The following RARB variants were observed in gnomAD, a reference collection of about 807,000 sequenced individuals.
RARB encodes the protein retinoic acid receptor beta.
Under a neutral mutation model 51.9 loss-of-function variants are expected in RARB, and 17 were observed. That is an observed-to-expected ratio of 0.33 (90% CI 0.22 to 0.49). The LOEUF (loss-of-function observed/expected upper bound fraction) is 0.49. Ranked by LOEUF, RARB falls within the 20% of genes least tolerant of loss-of-function variation. RARB has a pLI of 0.99. For synonymous variants in RARB, 215 were observed against 195.4 expected (o/e 1.10, Z -0.84); for missense variants, 369 against 550.8 (o/e 0.67, Z 3.30).
At chr3:25,338,007 C>A (rs1010063889) in intron 5 of RARB, among the ~76,000 whole-genome samples, 14 of 151,622 alleles carry the variant, frequency 9.2e-5, no homozygotes, top group African/African-American at 3.4e-4. Context: ...ACATTCAACA[C>A]TATATCTTTC....
intron 5 of RARB, among the ~76,000 whole-genome samples, chr3:25,328,227 AG>A (rs1704782673): frequency 6.6e-6 from 1 of 152,246 alleles, no homozygotes; most frequent in African/African-American, 2.4e-5. Flanking sequence ...CGATTTAAGT[AG>A]TTGCCTCTAG....
intron 4 of RARB, among the ~76,000 whole-genome samples, chr3:25,146,449 C>A (rs1178511942): frequency 6.6e-6 from 1 of 151,186 alleles, no homozygotes; most frequent in African/African-American, 2.4e-5. Flanking sequence ...TTTGCAAAAA[C>A]ACACAGGCTA....
intron 1 of RARB, chr3:25,441,238 G>T: frequency 2.7e-6 from 1 of 377,306 alleles, no homozygotes; most frequent in Admixed American, 3.3e-5. Context: ...AGGCCAACCA[G>T]ATAGGCCTCA....
At chr3:25,252,861 T>A (rs542959002) in intron 5 of RARB, among the ~76,000 whole-genome samples, 2 of 152,340 alleles carry the variant, frequency 1.3e-5, no homozygotes, top group South Asian at 4.1e-4. Context: ...TCATGACTTA[T>A]GGATCTTCTT....
At chr3:25,311,393 G>T (rs892498345) in intron 5 of RARB, among the ~76,000 whole-genome samples, 1 of 152,246 alleles carries the variant, frequency 6.6e-6, no homozygotes, top group Non-Finnish European at 1.5e-5. Flanking sequence ...CATACTGTTT[G>T]GGTCGGTACT....
At chr3:25,427,927 A>G (rs1312427469), upstream of RARB, among the ~76,000 whole-genome samples, 1 of 152,224 alleles carries the variant, frequency 6.6e-6, no homozygotes, top group African/African-American at 2.4e-5. Flanking sequence ...ACCGTTTTCC[A>G]AGCTAAGCCG....
At chr3:25,365,984 A>G (rs1235114768) in intron 5 of RARB, among the ~76,000 whole-genome samples, 1 of 152,214 alleles carries the variant, frequency 6.6e-6, no homozygotes, top group Non-Finnish European at 1.5e-5. Context: ...TCAATAGTGT[A>G]ACCATTTTTT....
At chr3:25,545,582 C>T (rs1699586363) in intron 3 of RARB, among the ~76,000 whole-genome samples, 1 of 152,148 alleles carries the variant, frequency 6.6e-6, no homozygotes, top group Non-Finnish European at 1.5e-5. Flanking sequence ...GTGCGGTTGG[C>T]ATTGCTCTGA....
At position 25,525,783 on chromosome 3, in the gene RARB, G is replaced by A. The variant is rs573740542; in HGVS notation, c.448+24460G>A. Among the ~76,000 whole-genome samples, 12 of 152,140 alleles carry A rather than the reference G, an allele frequency of 7.9e-5. 1 individual carries two copies. In the South Asian group the frequency reaches 2.3e-3, roughly 29 times the overall value. On this transcript the variant is annotated intron_variant, in intron 3 of 7. Transcript: ENST00000330688. ...AAGCTGAGCATCATGGAGGTAAAGG[G>A]GTCTATTTTATGAAAAGTGGTCACG...
intron 5 of RARB, among the ~76,000 whole-genome samples, chr3:25,203,260 CT>C (rs1471622620): frequency 1.3e-5 from 2 of 151,946 alleles, no homozygotes; most frequent in Non-Finnish European, 2.9e-5. Context: ...CAACCCCTGC[CT>C]TTTTTTGTTT....
intron 5 of RARB, among the ~76,000 whole-genome samples, chr3:25,274,086 C>T (rs749295952): frequency 2.0e-5 from 3 of 152,046 alleles, no homozygotes; most frequent in Non-Finnish European, 4.4e-5. Context: ...TCCTCTGAGA[C>T]ATATATATAA....
chr3:25,207,052 CA>C (rs1482829780), intron 5 of RARB, among the ~76,000 whole-genome samples: 1 of 152,168 alleles, frequency 6.6e-6, no homozygotes, highest in Non-Finnish European at 1.5e-5. Context: ...CTTAGAATCA[CA>C]GAATCATGAG....
intron 3 of RARB, among the ~76,000 whole-genome samples, chr3:25,096,913 T>C (rs1228505001): frequency 6.6e-6 from 1 of 152,208 alleles, no homozygotes; most frequent in Non-Finnish European, 1.5e-5. Context: ...CCTTTCCAGT[T>C]ACCTGAAACC....
intron 5 of RARB, among the ~76,000 whole-genome samples, chr3:25,305,238 C>T (rs1704127788): frequency 6.6e-6 from 1 of 151,958 alleles, no homozygotes; most frequent in Non-Finnish European, 1.5e-5. Flanking sequence ...GCAAATGTAT[C>T]AGTGTGTGAG....
chr3:25,007,600 A>AAAAAAAAAAAAAAAAAAAAC (rs1342393781), intron 2 of RARB, among the ~76,000 whole-genome samples: 2 of 143,260 alleles, frequency 1.4e-5, no homozygotes, highest in African/African-American at 5.5e-5. Context: ...CTCAAAAAAA[A>AAAAAAAAAAAAAAAAAAAAC]AAAACAAAAA....
chr3:25,092,428 T>C (rs1352253060), intron 3 of RARB, among the ~76,000 whole-genome samples: 2 of 152,110 alleles, frequency 1.3e-5, no homozygotes, highest in Non-Finnish European at 2.9e-5. Context: ...AATTTGTAAG[T>C]AGGGATTCCT....
chr3:24,989,352 C>T (rs1452546555), intron 2 of RARB, among the ~76,000 whole-genome samples: 1 of 152,154 alleles, frequency 6.6e-6, no homozygotes, highest in Non-Finnish European at 1.5e-5. Flanking sequence ...TGGAGTCTTT[C>T]TCAGGTAAAT....
At chr3:25,205,875 T>C (rs1701530694) in intron 5 of RARB, among the ~76,000 whole-genome samples, 1 of 152,032 alleles carries the variant, frequency 6.6e-6, no homozygotes, top group African/African-American at 2.4e-5. Context: ...CCTCAGTTAG[T>C]TAGGACTACA....
chr3:25,547,076 A>G (rs1270908399), intron 3 of RARB, among the ~76,000 whole-genome samples: 1 of 152,180 alleles, frequency 6.6e-6, no homozygotes, highest in Non-Finnish European at 1.5e-5. Context: ...AGCAGAGTTG[A>G]TACCCGAAGG....
Sources: allele counts gnomAD v4.1 joint callset (sites outside exome capture counted in the v4.1 genomes callset), GRCh38; gene constraint gnomAD v4.1.1; transcripts MANE v1.5; gene names NCBI Gene and HGNC (gene_info 2026-07-23, HGNC 2026-07-21).